Variants in WWOX observed in about 807,000 individuals in gnomAD.
The protein encoded by WWOX is WW domain containing oxidoreductase.
WWOX carries 69 observed loss-of-function variants against 46.2 expected under a neutral mutation model. The observed-to-expected ratio is 1.49, with a 90% CI of 1.23 to 1.82. WWOX has a LOEUF of 1.82. Among genes scored for constraint, WWOX ranks in the 40% most tolerant of loss-of-function variants. The pLI is 0.00. For missense variants in WWOX, 919 were observed against 542.6 expected (o/e 1.69, Z -6.89); for synonymous variants, 359 against 202.6 (o/e 1.77, Z -6.56).
intron 8 of WWOX, among the ~76,000 whole-genome samples, chr16:78,732,393 C>T (rs765528405): frequency 5.9e-5 from 9 of 152,024 alleles, no homozygotes; most frequent in African/African-American, 9.7e-5. Context: ...GAATTGAGGC[C>T]GCCAGTCATA....
At chr16:78,749,950 T>C (rs1485560536) in intron 8 of WWOX, among the ~76,000 whole-genome samples, 1 of 152,172 alleles carries the variant, frequency 6.6e-6, no homozygotes, top group Non-Finnish European at 1.5e-5. Context: ...CTTGCACTGT[T>C]TACAAGTCAG....
At chr16:78,850,113 T>C (rs1412514708) in intron 8 of WWOX, among the ~76,000 whole-genome samples, 4 of 152,206 alleles carry the variant, frequency 2.6e-5, no homozygotes, top group Middle Eastern at 3.4e-3. Context: ...ATTTGGCTTT[T>C]AGTCTACAGA....
chr16:79,069,872 A>C (rs757340964), intron 8 of WWOX, among the ~76,000 whole-genome samples: 10 of 152,112 alleles, frequency 6.6e-5, no homozygotes, highest in South Asian at 2.1e-4. Flanking sequence ...GCCCAAATTG[A>C]CTCATTGAAA....
intron 5 of WWOX, among the ~76,000 whole-genome samples, chr16:78,174,998 GTAA>G (rs368742234): frequency 0.029 from 4,143 of 140,812 alleles, 173 homozygotes; most frequent in African/African-American, 0.1. Flanking sequence ...AAAAATAATA[GTAA>G]TAATAATAAT....
intron 6 of WWOX, among the ~76,000 whole-genome samples, chr16:78,397,495 C>G (rs779970676): frequency 1.3e-5 from 2 of 152,188 alleles, no homozygotes; most frequent in Non-Finnish European, 2.9e-5. Flanking sequence ...CAAGTTCATG[C>G]TAGCTGGTAC....
At chr16:78,984,236 C>A (rs893205751) in intron 8 of WWOX, among the ~76,000 whole-genome samples, 3 of 152,044 alleles carry the variant, frequency 2.0e-5, no homozygotes, top group Non-Finnish European at 4.4e-5. Context: ...GTGGCACATA[C>A]CCCTGTACAT....
At chr16:78,877,146 A>G (rs1449175005) in intron 8 of WWOX, among the ~76,000 whole-genome samples, 1 of 152,224 alleles carries the variant, frequency 6.6e-6, no homozygotes, top group Non-Finnish European at 1.5e-5. Flanking sequence ...CTGTTAATTT[A>G]GTCAGACGAG....
chr16:78,305,452 G>T (rs1196984283), intron 5 of WWOX, among the ~76,000 whole-genome samples: 3 of 152,142 alleles, frequency 2.0e-5, no homozygotes, highest in African/African-American at 7.2e-5. Context: ...CATAGACAAT[G>T]TGGAGGAAGA....
At chr16:78,138,788 A>C (rs1268706671) in intron 4 of WWOX, among the ~76,000 whole-genome samples, 1 of 152,194 alleles carries the variant, frequency 6.6e-6, no homozygotes, top group Non-Finnish European at 1.5e-5. Context: ...GTCCCAGCGA[A>C]GTGCTTAATG....
At chr16:78,910,555 C>G (rs1013120730) in intron 8 of WWOX, among the ~76,000 whole-genome samples, 1 of 150,772 alleles carries the variant, frequency 6.6e-6, no homozygotes, top group Non-Finnish European at 1.5e-5. Context: ...TTTTCTCATA[C>G]TACTGAGAAA....
chr16:78,599,421 T>G (rs2738547), intron 8 of WWOX, among the ~76,000 whole-genome samples: 5 of 152,206 alleles, frequency 3.3e-5, no homozygotes, highest in African/African-American at 9.6e-5. Context: ...CGCCATAGCC[T>G]AAGGCTGTGG....
At chr16:78,430,827 A>C (rs2083200139) in intron 7 of WWOX, among the ~76,000 whole-genome samples, 1 of 152,204 alleles carries the variant, frequency 6.6e-6, no homozygotes, top group Non-Finnish European at 1.5e-5. Flanking sequence ...TGGAAGGGAT[A>C]TTTAATTTCC....
chr16:79,158,760 A>G (rs995378783), intron 8 of WWOX, among the ~76,000 whole-genome samples: 1 of 152,184 alleles, frequency 6.6e-6, no homozygotes, highest in Non-Finnish European at 1.5e-5. Context: ...CAGTCTAAAG[A>G]AGCCACCTCC....
In WWOX at chr16:78,114,878, T is replaced by G; in HGVS notation, c.231-98T>G. ...CAGGTTTAAGGAATAAGCATTTTGG[T>G]CTATGAAAAATGGGGTTTTCCTAAA... On this transcript the variant is annotated intron_variant, in intron 3 of 8. Transcript: ENST00000566780. 3.4e-6 allele frequency: 5 copies of G among 1,491,678 alleles called. 1 individual carries two copies. The South Asian group carries it at 5.9e-5, about 17-fold the overall frequency. The allele number at this position is 1,491,678 out of a possible 1,614,324, so 92.4% of individuals were successfully genotyped here. A position where few individuals can be genotyped will look rare whatever the true frequency, so the allele number is the denominator to read the frequency against.
intron 8 of WWOX, among the ~76,000 whole-genome samples, chr16:78,467,497 T>A (rs533681567): frequency 6.6e-6 from 1 of 152,206 alleles, no homozygotes; most frequent in Non-Finnish European, 1.5e-5. Flanking sequence ...CATTGTTCTT[T>A]TATTGTTTAT....
chr16:78,726,463 G>A (rs1033021123), intron 8 of WWOX, among the ~76,000 whole-genome samples: 1 of 151,962 alleles, frequency 6.6e-6, no homozygotes, highest in Admixed American at 6.6e-5. Flanking sequence ...CAAGCTCCTG[G>A]CCTCAAGGGA....
At position 78,738,919 on chromosome 16, in the gene WWOX, C is replaced by T. The variant is rs138688049; in HGVS notation, c.1056+306167C>T. Among the ~76,000 whole-genome samples, 498 of 152,258 alleles carry T rather than the reference C, an allele frequency of 3.3e-3. 6 individuals carry two copies. Among genetic ancestry groups the T allele is most frequent in the African/African-American group, 0.011 (472 of 41,554 alleles). On this transcript the variant is annotated intron_variant, in intron 8 of 8. Coordinates refer to ENST00000566780, the MANE Select transcript of WWOX (RefSeq NM_016373.4). ...CATTAGAGTAGTGCTGATCATTTGC[C>T]TTCATTGCTGGGGTCCCCTAAATGC...
intron 8 of WWOX, among the ~76,000 whole-genome samples, chr16:78,783,011 C>T (rs187435285): frequency 1.2e-4 from 18 of 152,286 alleles, no homozygotes; most frequent in African/African-American, 4.3e-4. Flanking sequence ...ATACTGAATC[C>T]TAGTGTGATC....
chr16:78,215,701 A>G (rs373688317), intron 5 of WWOX, among the ~76,000 whole-genome samples: 1 of 152,048 alleles, frequency 6.6e-6, no homozygotes, highest in South Asian at 2.1e-4. Context: ...GCCGAGGCAG[A>G]TGGATCACTT....
Sources: gnomAD v4.1 joint callset for allele counts (sites outside exome capture counted in the v4.1 genomes callset) on GRCh38, gnomAD v4.1.1 for gene constraint, MANE v1.5 for transcripts, NCBI Gene and HGNC (gene_info 2026-07-23, HGNC 2026-07-21) for gene names.